PARD6B: variants seen among roughly 807,000 people sequenced by gnomAD.
PARD6B encodes partitioning defective 6 homolog beta.
Under a neutral mutation model 10.5 loss-of-function variants are expected in PARD6B, and 4 were observed. That is an observed-to-expected ratio of 0.38 (90% CI 0.19 to 0.87). The LOEUF is 0.87. PARD6B is among the 40% of genes least tolerant of loss of function. PARD6B has a pLI of 0.41. For synonymous variants in PARD6B, 169 were observed against 170.4 expected, an observed-to-expected ratio of 0.99 and a Z score of 0.07; for missense variants, 396 against 470.6, an observed-to-expected ratio of 0.84 and a Z score of 1.47.
Position 50,752,867 on chromosome 20 carries a change from G to A in PARD6B, c.*2379G>A, listed in dbSNP as rs1600822237. The A allele has an allele frequency of 1.5e-5, 15 of 981,836 alleles. No homozygotes were observed. Among genetic ancestry groups the A allele is most frequent in the Non-Finnish European group, 1.5e-5 (12 of 826,450 alleles). 60.8% of individuals were successfully genotyped at this position (981,836 alleles called of 1,614,324 possible). A position where few individuals can be genotyped will look rare whatever the true frequency, so the allele number is the denominator to read the frequency against. On this transcript the variant is annotated 3_prime_UTR_variant, in exon 3 of 3. Transcript: ENST00000371610. Reference sequence around the variant, plus strand: ...TAACTGACTGCACATTATGTAATACGTTGTACTTTTTGTTGAATTCACCGA... The same window carrying A: ...TAACTGACTGCACATTATGTAATACATTGTACTTTTTGTTGAATTCACCGA...
Position 50,733,435 on chromosome 20 carries a change from A to C in PARD6B, c.66+1583A>C, listed in dbSNP as rs189151428. Among the ~76,000 whole-genome samples the C allele has an allele frequency of 2.3e-3, 346 of 152,304 alleles. 2 individuals are homozygous for C. Among genetic ancestry groups the C allele is most frequent in the South Asian group, 5.6e-3 (27 of 4,826 alleles). ...GCAAAACTCCATCTCAAAAAACAAA[A>C]CAAAACAAAAACAAAAACGGCTTGG... On this transcript the variant is annotated intron_variant, in intron 1 of 2. Coordinates refer to ENST00000371610, the MANE Select transcript of PARD6B (RefSeq NM_032521.3).
rs773419190 is a variant in PARD6B at position 50,749,159 on chromosome 20, C to T, written c.290-500C>T. ...GAAATCGAGACCATCCTGGCTAACA[C>T]GGTGAAACCCCATCTGTACTAAAAA... is the stretch of plus-strand genomic sequence containing the variant. On this transcript the variant is annotated intron_variant, in intron 2 of 2. Coordinates refer to ENST00000371610, the MANE Select transcript of PARD6B (RefSeq NM_032521.3). 1.4e-4 allele frequency among the ~76,000 whole-genome samples: 21 copies of T among 152,160 alleles called. No homozygotes were observed. The Middle Eastern group carries it at 0.01, about 74-fold the overall frequency.
At chr20:50,738,202 TTAAC>T (rs2087510859) in intron 2 of PARD6B, 123 bp downstream of exon 2, 2 of 601,652 alleles carry the variant, frequency 3.3e-6, no homozygotes, top group Non-Finnish European at 5.5e-6. Context: ...TCTTCTTATG[TTAAC>T]TAACATGTGG....
In PARD6B at chr20:50,731,804, G is replaced by A. The variant is rs547789956; in HGVS notation, c.18G>A (p.Arg6=). 27 of 1,463,328 alleles carry A rather than the reference G, an allele frequency of 1.8e-5. No individual in the cohort carries two copies. The African/African-American group carries it at 3.7e-4, about 20-fold the overall frequency. The allele number at this position is 1,463,328 out of a possible 1,614,324, so 90.6% of individuals were successfully genotyped here. A position where few individuals can be genotyped will look rare whatever the true frequency, so the allele number is the denominator to read the frequency against. The change falls in exon 1 of 3, where the codon CGG becomes CGA. Residue 6 remains arginine, a synonymous_variant. Transcript: ENST00000371610. MNRSH[R]HGAGSGCLGT... ...CGTTCAGCATGAACCGCAGCCACCG[G>A]CACGGGGCGGGCAGCGGCTGCCTGG...
intron 1 of PARD6B, among the ~76,000 whole-genome samples, chr20:50,733,138 G>T (rs1254946603): frequency 6.6e-6 from 1 of 152,204 alleles, no homozygotes; most frequent in African/African-American, 2.4e-5. Flanking sequence ...TGTGATTTGA[G>T]TCTGGGCGCG....
Position 50,735,456 on chromosome 20 carries a change from A to C in PARD6B, c.67-2401A>C, listed in dbSNP as rs542050839. On this transcript the variant is annotated intron_variant, in intron 1 of 2. Coordinates refer to ENST00000371610, the MANE Select transcript of PARD6B (RefSeq NM_032521.3). ...AATAGACTATGAAAATTAAGTTTGC[A>C]TTTCTAGAATGTACCAACAGACACT... Among the ~76,000 whole-genome samples the C allele has an allele frequency of 5.3e-5, 8 of 152,342 alleles. No homozygotes were observed. The South Asian group carries it at 1.7e-3, about 32-fold the overall frequency.
At chr20:50,733,014 G>A (rs893397675) in intron 1 of PARD6B, among the ~76,000 whole-genome samples, 3 of 152,158 alleles carry the variant, frequency 2.0e-5, no homozygotes, top group African/African-American at 7.2e-5. Flanking sequence ...GCTTCCTAGA[G>A]CCTCTAGGTA....
At chr20:50,732,533 A>T (rs1208981550) in intron 1 of PARD6B, among the ~76,000 whole-genome samples, 1 of 152,176 alleles carries the variant, frequency 6.6e-6, no homozygotes, top group East Asian at 1.9e-4. Context: ...GTATTCACTG[A>T]ATTTCTAAAT....
At position 50,731,846 on chromosome 20, in the gene PARD6B, G is replaced by A. The variant is rs780118896; in HGVS notation, c.60G>A (p.Lys20=). The A allele has an allele frequency of 1.5e-5, 22 of 1,454,524 alleles. No individual in the cohort carries two copies. The South Asian group carries it at 2.4e-4, about 16-fold the overall frequency. The allele number at this position is 1,454,524 out of a possible 1,614,324, so 90.1% of individuals were successfully genotyped here. The change falls in exon 1 of 3, where the codon AAG becomes AAA. Residue 20 remains lysine (K), a synonymous_variant. Transcript: ENST00000371610. The part of the protein sequence containing the change: ...GSGCLGTMEV[K]SKFGAEFRRF... ...GCTGCCTGGGCACTATGGAGGTGAA[G>A]AGCAAGGTGCGCGGGGCCCGGGCTG...
At chr20:50,733,702 A>C (rs2087484728) in intron 1 of PARD6B, among the ~76,000 whole-genome samples, 1 of 152,166 alleles carries the variant, frequency 6.6e-6, no homozygotes, top group South Asian at 2.1e-4. Flanking sequence ...TTTTGTTATA[A>C]GTTTAGTTTG....
At chr20:50,741,361 A>C (rs1242967452) in intron 2 of PARD6B, among the ~76,000 whole-genome samples, 1 of 151,888 alleles carries the variant, frequency 6.6e-6, no homozygotes, top group East Asian at 1.9e-4. Context: ...TAGCTCAGAT[A>C]AGTTTGTCAG....
rs7268691 is a variant in PARD6B at position 50,752,073 on chromosome 20, T to G, written c.*1585T>G. ...GTTTGTCCTTCCTATAGCTTTCATATTTTCAAATTAATTCTGTATGGCTAT... is the reference window on the plus strand; with the variant it reads ...GTTTGTCCTTCCTATAGCTTTCATAGTTTCAAATTAATTCTGTATGGCTAT... On this transcript the variant is annotated 3_prime_UTR_variant, in exon 3 of 3. Coordinates refer to ENST00000371610, the MANE Select transcript of PARD6B (RefSeq NM_032521.3). The G allele has an allele frequency of 7.7e-3, 7,547 of 985,210 alleles. 396 individuals carry two copies. The African/African-American group carries it at 0.12, about 15-fold the overall frequency. 61.0% of individuals were successfully genotyped at this position (985,210 alleles called of 1,614,324 possible). A position where few individuals can be genotyped will look rare whatever the true frequency, so the allele number is the denominator to read the frequency against.
intron 1 of PARD6B, among the ~76,000 whole-genome samples, chr20:50,736,892 G>A (rs181847968): frequency 1.3e-5 from 2 of 152,064 alleles, no homozygotes; most frequent in African/African-American, 2.4e-5. Context: ...GTAGAGACGG[G>A]TTTTGCCATG....
intron 1 of PARD6B, among the ~76,000 whole-genome samples, chr20:50,735,590 T>G (rs2087495400): frequency 2.0e-5 from 3 of 152,228 alleles, no homozygotes; most frequent in Non-Finnish European, 4.4e-5. Context: ...TAATTTTGTC[T>G]CTTAGTGTTT....
At chr20:50,733,788 C>T (rs1031250167) in intron 1 of PARD6B, among the ~76,000 whole-genome samples, 1 of 151,810 alleles carries the variant, frequency 6.6e-6, no homozygotes. Flanking sequence ...AGTTTATAGC[C>T]CTAATCTTGG....
At position 50,741,425 on chromosome 20, in the gene PARD6B, ACAT is replaced by A. The variant is rs1304441975; in HGVS notation, c.289+3351_289+3353del. On this transcript the variant is annotated intron_variant, in intron 2 of 2. Transcript: ENST00000371610. ...AGCCCTCCACCTTCCCACCTTTACCACATCATCCTCTGAAGACCTGGAAATATC... is the reference window on the plus strand; with the variant it reads ...AGCCCTCCACCTTCCCACCTTTACCACATCCTCTGAAGACCTGGAAATATC... Among the ~76,000 whole-genome samples the A allele has an allele frequency of 8.6e-5, 13 of 152,046 alleles. No individual in the cohort carries two copies. In the South Asian group the frequency reaches 2.7e-3, roughly 32 times the overall value.
At chr20:50,747,296 GT>G (rs1421365724) in intron 2 of PARD6B, among the ~76,000 whole-genome samples, 2 of 152,098 alleles carry the variant, frequency 1.3e-5, no homozygotes, top group East Asian at 3.8e-4. Context: ...GATGATAATA[GT>G]TTAGCAATGA....
intron 1 of PARD6B, 79 bp downstream of exon 1, chr20:50,731,931 C>T: frequency 8.2e-7 from 1 of 1,218,874 alleles, no homozygotes; most frequent in Non-Finnish European, 1.0e-6. Context: ...GCTCGGAGCG[C>T]CGGGGGAGGC....
intron 2 of PARD6B, among the ~76,000 whole-genome samples, chr20:50,744,997 CTG>C (rs1189011971): frequency 6.6e-6 from 1 of 152,232 alleles, no homozygotes; most frequent in African/African-American, 2.4e-5. Flanking sequence ...TTCACCAAAT[CTG>C]TACCACAGAG....
Sources: gnomAD v4.1 joint callset for allele counts (sites outside exome capture counted in the v4.1 genomes callset) on GRCh38, gnomAD v4.1.1 for gene constraint, MANE v1.5 for transcripts, NCBI Gene and HGNC (gene_info 2026-07-23, HGNC 2026-07-21) for gene names.